The following ADGRB3 variants were observed in gnomAD, a reference collection of about 807,000 sequenced individuals.
ADGRB3 encodes the protein brain-specific angiogenesis inhibitor 3.
Under a neutral mutation model 193.4 loss-of-function variants are expected in ADGRB3, and 37 were observed. The observed-to-expected ratio is 0.19, with a 90% CI of 0.15 to 0.25. The LOEUF is 0.25. Ranked by LOEUF, ADGRB3 falls within the 10% of genes least tolerant of loss-of-function variation. The pLI is 1.00. For synonymous variants in ADGRB3, 690 were observed against 644.2 expected, an observed-to-expected ratio of 1.07 and a Z score of -1.08; for missense variants, 1,637 against 1,852.9, an observed-to-expected ratio of 0.88 and a Z score of 2.14.
rs764281643 is a variant in ADGRB3 at position 69,327,939 on chromosome 6, A to G, written c.3035+50A>G. ...CATGTTTATAATTTAACAAATCATCAAAGAGTCTTGGTTGGCACTGCTGAT... is the reference window on the plus strand; with the variant it reads ...CATGTTTATAATTTAACAAATCATCGAAGAGTCTTGGTTGGCACTGCTGAT... On this transcript the variant is annotated intron_variant, in intron 22 of 31. Transcript: ENST00000370598. 4 of 1,524,200 alleles carry G rather than the reference A, an allele frequency of 2.6e-6. No individual in the cohort carries two copies. In the South Asian group the frequency reaches 3.6e-5, roughly 14 times the overall value. 94.4% of individuals were successfully genotyped at this position (1,524,200 alleles called of 1,614,324 possible).
intron 3 of ADGRB3, among the ~76,000 whole-genome samples, chr6:68,808,856 C>T (rs1172024765): frequency 6.6e-6 from 1 of 152,246 alleles, no homozygotes; most frequent in South Asian, 2.1e-4. Flanking sequence ...GGTCAGAAGA[C>T]CACCTGTAAA....
At chr6:69,302,659 C>G (rs1400056189) in intron 20 of ADGRB3, among the ~76,000 whole-genome samples, 3 of 151,918 alleles carry the variant, frequency 2.0e-5, no homozygotes, top group African/African-American at 7.2e-5. Context: ...CAGAAGAGAA[C>G]CCTGTAGGAA....
At chr6:69,100,868 A>AGAG (rs1562159416) in intron 17 of ADGRB3, among the ~76,000 whole-genome samples, 6 of 24,544 alleles carry the variant, frequency 2.4e-4, no homozygotes, top group South Asian at 2.9e-3. Flanking sequence ...GAAGGAAGGA[A>AGAG]GGAAGAAGGA....
intron 3 of ADGRB3, among the ~76,000 whole-genome samples, chr6:68,921,171 A>G (rs1372123021): frequency 2.0e-5 from 3 of 152,240 alleles, no homozygotes. Flanking sequence ...CAACATCGTA[A>G]TAAATATAAT....
intron 17 of ADGRB3, among the ~76,000 whole-genome samples, chr6:69,197,426 A>G (rs1222379640): frequency 7.0e-6 from 1 of 142,578 alleles, no homozygotes; most frequent in Admixed American, 7.0e-5. Flanking sequence ...TTTTTTTTTT[A>G]CATTGTTGAA....
chr6:68,714,382 C>T (rs1348512873), intron 3 of ADGRB3, among the ~76,000 whole-genome samples: 1 of 151,440 alleles, frequency 6.6e-6, no homozygotes, highest in Non-Finnish European at 1.5e-5. Flanking sequence ...TTTTTGTCAC[C>T]ATATGGTGAC....
intron 20 of ADGRB3, among the ~76,000 whole-genome samples, chr6:69,280,676 G>T (rs553777581): frequency 3.9e-5 from 6 of 152,222 alleles, no homozygotes; most frequent in South Asian, 2.1e-4. Flanking sequence ...TTATTTCTTA[G>T]GAGTAGGGAA....
intron 3 of ADGRB3, among the ~76,000 whole-genome samples, chr6:68,786,057 G>A (rs373566969): frequency 7.3e-5 from 11 of 150,650 alleles, no homozygotes; most frequent in East Asian, 1.9e-4. Flanking sequence ...ATATTAGCCC[G>A]TTGTCAGATG....
chr6:68,865,279 G>A (rs1279948383), intron 3 of ADGRB3, among the ~76,000 whole-genome samples: 1 of 151,978 alleles, frequency 6.6e-6, no homozygotes, highest in African/African-American at 2.4e-5. Context: ...GAAAAGTCCA[G>A]TTCTGATAAA....
chr6:69,247,755 A>T (rs898594389), intron 20 of ADGRB3, among the ~76,000 whole-genome samples: 5 of 152,296 alleles, frequency 3.3e-5, no homozygotes, highest in African/African-American at 1.2e-4. Flanking sequence ...CTTGTTTTAT[A>T]TATGGCGTGA....
chr6:68,670,890 A>G (rs1768938249), intron 3 of ADGRB3, among the ~76,000 whole-genome samples: 1 of 151,966 alleles, frequency 6.6e-6, no homozygotes, highest in African/African-American at 2.4e-5. Flanking sequence ...CCATCCATGA[A>G]CATTGAATAT....
chr6:68,690,878 C>T (rs1765061387), intron 3 of ADGRB3, among the ~76,000 whole-genome samples: 1 of 152,048 alleles, frequency 6.6e-6, no homozygotes, highest in Admixed American at 6.6e-5. Context: ...TCGTAGAGAA[C>T]ACATTTTGGG....
At chr6:68,847,042 A>G (rs773584251) in intron 3 of ADGRB3, among the ~76,000 whole-genome samples, 24 of 152,162 alleles carry the variant, frequency 1.6e-4, no homozygotes, top group Non-Finnish European at 2.9e-4. Context: ...TGGATGTGAG[A>G]CGTGGAGTCA....
chr6:68,783,608 T>C (rs1399294986), intron 3 of ADGRB3, among the ~76,000 whole-genome samples: 1 of 151,648 alleles, frequency 6.6e-6, no homozygotes, highest in East Asian at 1.9e-4. Flanking sequence ...AATTCAGATC[T>C]GTTGGAGGGA....
chr6:69,159,907 A>T (rs1774939270), intron 17 of ADGRB3, among the ~76,000 whole-genome samples: 1 of 152,074 alleles, frequency 6.6e-6, no homozygotes, highest in Non-Finnish European at 1.5e-5. Flanking sequence ...GTAAAAGATG[A>T]CTCTATCCTT....
chr6:69,048,129 G>C, intron 13 of ADGRB3, 56 bp from the exon 14 acceptor site: 1 of 1,538,798 alleles, frequency 6.5e-7, no homozygotes, highest in South Asian at 1.2e-5. Flanking sequence ...GATCAACACT[G>C]ATTACACTAA....
chr6:69,234,360 G>T (rs1367576686), intron 18 of ADGRB3, among the ~76,000 whole-genome samples: 3 of 151,902 alleles, frequency 2.0e-5, no homozygotes, highest in East Asian at 1.9e-4. Flanking sequence ...ATTTTTCAAG[G>T]TCATGCATTT....
chr6:68,890,573 A>G (rs1298394349), intron 3 of ADGRB3, among the ~76,000 whole-genome samples: 1 of 152,254 alleles, frequency 6.6e-6, no homozygotes, highest in Non-Finnish European at 1.5e-5. Flanking sequence ...AATTAAACAC[A>G]TATGCCAATT....
intron 10 of ADGRB3, among the ~76,000 whole-genome samples, chr6:68,983,659 G>C (rs1246872580): frequency 6.6e-6 from 1 of 151,862 alleles, no homozygotes; most frequent in Non-Finnish European, 1.5e-5. Context: ...TATGTGCCAA[G>C]TAGAGCTCAA....
Sources: allele counts gnomAD v4.1 joint callset (sites outside exome capture counted in the v4.1 genomes callset), GRCh38; gene constraint gnomAD v4.1.1; transcripts MANE v1.5; gene names NCBI Gene and HGNC (gene_info 2026-07-23, HGNC 2026-07-21).